Variants in CCND3 observed in about 807,000 individuals in gnomAD.
The protein encoded by CCND3 is cyclin D3.
In CCND3, 9 loss-of-function variants were observed where a neutral mutation model predicts 28.7. The observed-to-expected ratio is 0.31, with a 90% CI of 0.19 to 0.55. The LOEUF (loss-of-function observed/expected upper bound fraction) is 0.55. Ranked by LOEUF, CCND3 falls within the 20% of genes least tolerant of loss-of-function variation. CCND3 has a pLI of 0.93. For missense variants in CCND3, 315 were observed against 385.8 expected (o/e 0.82, Z 1.54); for synonymous variants, 164 against 163.9 (o/e 1.00, Z 0.00).
Position 41,936,017 on chromosome 6 carries a change from T to A in CCND3, c.802A>T (p.Lys268Ter), listed in dbSNP as rs1775778099. ...TGGCTGCTGGAGCCCCGGGGGGCTT[T>A]GGGCGCTGGGCTGGAGCTGGTCTGA... Reference protein sequence around the residue: ...ASQTSSSPAPKAPRGSSSQGP... With the variant: ...ASQTSSSPAP The change falls in exon 5 of 5, where the codon AAA (lysine) becomes TAA (stop). Residue 268 changes from lysine (K) to a stop codon, truncating the protein, a stop_gained. Coordinates refer to ENST00000372991, the MANE Select transcript of CCND3 (RefSeq NM_001760.5). LOFTEE classifies it high-confidence loss of function. The surrounding 1 kb of genome is among the most constrained non-coding windows in gnomAD (Gnocchi z 4.4). 1 of 1,613,264 alleles carries A rather than the reference T, an allele frequency of 6.2e-7. No individual in the cohort carries two copies. The highest frequency in any genetic ancestry group is 8.5e-7 in the Non-Finnish European group (1 of 1,179,604).
intron 1 of CCND3, among the ~76,000 whole-genome samples, chr6:41,975,523 G>A (rs1047742787): frequency 1.3e-5 from 2 of 152,170 alleles, no homozygotes; most frequent in African/African-American, 4.8e-5. Flanking sequence ...ACAGATGGTG[G>A]TAAACAGAGG....
rs911202376 is a variant in CCND3 at position 41,979,252 on chromosome 6, G to A, written c.-45-38667C>T. On this transcript the variant is annotated intron_variant, in intron 1 of 4. Transcript: ENST00000372988. ...GGCTTTTAAAAATATTCAAAATAAC[G>A]GCCGGGCACAGTGGCTCACACCTGT... is the stretch of plus-strand genomic sequence containing the variant. Among the ~76,000 whole-genome samples, 24 of 149,906 alleles carry A rather than the reference G, an allele frequency of 1.6e-4. 2 individuals carry two copies. Among genetic ancestry groups the A allele is most frequent in the African/African-American group, 4.4e-4 (18 of 40,874 alleles).
chr6:41,966,648 CTCTT>C (rs1761894152), intron 1 of CCND3, among the ~76,000 whole-genome samples: 1 of 152,080 alleles, frequency 6.6e-6, no homozygotes, highest in African/African-American at 2.4e-5. Flanking sequence ...AGTAAACTGT[CTCTT>C]AGTTAGGCAG....
intron 1 of CCND3, among the ~76,000 whole-genome samples, chr6:41,990,924 G>A (rs952409073): frequency 2.6e-5 from 4 of 151,098 alleles, no homozygotes; most frequent in Admixed American, 2.0e-4. Context: ...AAGGTGATCC[G>A]CCCACCTCAG....
intron 1 of CCND3, among the ~76,000 whole-genome samples, chr6:42,043,560 G>C (rs752625186): frequency 6.6e-6 from 1 of 152,046 alleles, no homozygotes; most frequent in Admixed American, 6.6e-5. Context: ...AGCTGAGCAT[G>C]GTGGCGCCAC....
At chr6:42,043,565 C>T (rs548779073) in intron 1 of CCND3, among the ~76,000 whole-genome samples, 15 of 152,024 alleles carry the variant, frequency 9.9e-5, no homozygotes, top group South Asian at 2.1e-4. Context: ...AGCATGGTGG[C>T]GCCACGCGTG....
At chr6:41,945,453 G>A (rs1776143891), upstream of CCND3, among the ~76,000 whole-genome samples, 2 of 152,218 alleles carry the variant, frequency 1.3e-5, no homozygotes, top group Admixed American at 6.5e-5. Context: ...GCCAGAGGCT[G>A]CAGTGAGCCG....
At chr6:42,037,270 G>A (rs537275740) in intron 1 of CCND3, among the ~76,000 whole-genome samples, 86 of 145,206 alleles carry the variant, frequency 5.9e-4, no homozygotes, top group African/African-American at 2.2e-3. Flanking sequence ...ACGGAGTCTC[G>A]CTTTGCCACC....
chr6:42,037,865 T>C (rs1233943521), intron 1 of CCND3, among the ~76,000 whole-genome samples: 1 of 151,690 alleles, frequency 6.6e-6, no homozygotes, highest in Non-Finnish European at 1.5e-5. Context: ...ACCCTGTCTC[T>C]AATAAAAATA....
chr6:41,982,477 C>A (rs907984483), intron 1 of CCND3, among the ~76,000 whole-genome samples: 1 of 152,060 alleles, frequency 6.6e-6, no homozygotes, highest in Non-Finnish European at 1.5e-5. Context: ...ATAGAGAAGA[C>A]TCAATGGTGT....
At chr6:42,019,721 A>C (rs572671715) in intron 1 of CCND3, among the ~76,000 whole-genome samples, 16 of 152,254 alleles carry the variant, frequency 1.1e-4, no homozygotes, top group African/African-American at 3.8e-4. Flanking sequence ...GGCGGAATTT[A>C]AACTTTTATT....
rs144814940 is a variant in CCND3 at position 42,021,802 on chromosome 6, G to C, written c.-46+26699C>G. 6.6e-4 allele frequency among the ~76,000 whole-genome samples: 100 copies of C among 152,272 alleles called. 3 individuals carry two copies. The South Asian group carries it at 0.014, about 22-fold the overall frequency. On this transcript the variant is annotated intron_variant, in intron 1 of 4. Coordinates refer to the CCND3 transcript ENST00000372988. ...AAAGATTCACTGTGGGTAAAGGCCTGGAAAGGTGAGTTGAGCCCAGATCCT... is the reference window on the plus strand; with the variant it reads ...AAAGATTCACTGTGGGTAAAGGCCTCGAAAGGTGAGTTGAGCCCAGATCCT...
intron 1 of CCND3, among the ~76,000 whole-genome samples, chr6:42,028,455 C>T (rs1763945458): frequency 6.6e-6 from 1 of 152,230 alleles, no homozygotes; most frequent in African/African-American, 2.4e-5. Context: ...GTCTGCCCAT[C>T]GCCTCTGCCG....
intron 1 of CCND3, among the ~76,000 whole-genome samples, chr6:42,025,633 G>A (rs1486108518): frequency 6.6e-5 from 10 of 152,188 alleles, no homozygotes; most frequent in Non-Finnish European, 1.3e-4. Flanking sequence ...GGCCCATCCT[G>A]CACCCCGGCC....
intron 1 of CCND3, among the ~76,000 whole-genome samples, chr6:42,021,146 TA>T (rs1763700946): frequency 6.6e-6 from 1 of 152,264 alleles, no homozygotes; most frequent in South Asian, 2.1e-4. Flanking sequence ...ACACAACTTT[TA>T]TTACAATATA....
At chr6:42,006,346 T>G (rs1217484301) in intron 1 of CCND3, among the ~76,000 whole-genome samples, 1 of 151,718 alleles carries the variant, frequency 6.6e-6, no homozygotes, top group Non-Finnish European at 1.5e-5. Context: ...TAAAGGAAAC[T>G]TCCTTTATCT....
In CCND3 at chr6:42,045,181, T is replaced by TA. The variant is rs553660583; in HGVS notation, c.-46+3319dup. 2.0e-4 allele frequency among the ~76,000 whole-genome samples: 30 copies of TA among 152,108 alleles called. No individual in the cohort carries two copies. The East Asian group carries it at 2.5e-3, about 13-fold the overall frequency. ...CCTCTCCCATACTAGCAGCAGCATT[T>TA]AAAAAAATCCCTTTATATTTCAGCC... On this transcript the variant is annotated intron_variant, in intron 1 of 4. Transcript: ENST00000372988.
intron 1 of CCND3, among the ~76,000 whole-genome samples, chr6:41,960,411 C>CT (rs1207936247): frequency 2.0e-5 from 3 of 152,158 alleles, no homozygotes; most frequent in Non-Finnish European, 4.4e-5. Flanking sequence ...CTCAATAAAA[C>CT]TTTTTTATAA....
intron 1 of CCND3, among the ~76,000 whole-genome samples, chr6:42,020,051 G>A (rs1237226645): frequency 6.6e-6 from 1 of 152,110 alleles, no homozygotes; most frequent in Non-Finnish European, 1.5e-5. Context: ...GGCCGAGGCG[G>A]GCGGATCACA....
Sources: gnomAD v4.1 joint callset for allele counts (sites outside exome capture counted in the v4.1 genomes callset) on GRCh38, gnomAD v4.1.1 for gene constraint, Gnocchi (gnomAD v3.1) non-coding constraint, MANE v1.5 for transcripts, NCBI Gene and HGNC (gene_info 2026-07-23, HGNC 2026-07-21) for gene names.